The following SEPTIN11 variants were observed in gnomAD, a reference collection of about 807,000 sequenced individuals.
SEPTIN11 encodes the protein septin-11.
A neutral mutation model predicts 51.4 loss-of-function variants in SEPTIN11; 25 were observed. That is an observed-to-expected ratio of 0.49 (90% CI 0.35 to 0.68). The LOEUF is 0.68. Ranked by LOEUF, SEPTIN11 falls within the 30% of genes least tolerant of loss-of-function variation. The pLI, the probability that SEPTIN11 is intolerant of heterozygous loss-of-function variation, is 0.00. For missense variants in SEPTIN11, 381 were observed against 520.8 expected (o/e 0.73, Z 2.61); for synonymous variants, 174 against 184.1 (o/e 0.95, Z 0.44).
chr4:76,996,569 A>G lies in SEPTIN11; in HGVS notation c.142+30A>G, dbSNP rs773436924. On this transcript the variant is annotated intron_variant, in intron 2 of 9. Coordinates refer to ENST00000264893, the MANE Select transcript of SEPTIN11 (RefSeq NM_018243.4). ...GTTATTCATCACCCCACAGCAAGAA[A>G]TTTGATCCTTAGATATTGACAGGTA... 4.8e-6 allele frequency: 7 copies of G among 1,469,682 alleles called. No individual in the cohort carries two copies. In the Admixed American group the frequency reaches 6.7e-5, roughly 14 times the overall value. The allele number at this position is 1,469,682 out of a possible 1,614,324, so 91.0% of individuals were successfully genotyped here.
chr4:76,961,800 C>A (rs1247446178), intron 1 of SEPTIN11, among the ~76,000 whole-genome samples: 1 of 152,104 alleles, frequency 6.6e-6, no homozygotes, highest in Non-Finnish European at 1.5e-5. Flanking sequence ...TAAGTTGAAC[C>A]ATTGTAACTG....
At chr4:76,959,211 G>T (rs1432909100) in intron 1 of SEPTIN11, 3 of 320,924 alleles carry the variant, frequency 9.3e-6, no homozygotes, top group Non-Finnish European at 1.9e-5. Context: ...ACGACCGATG[G>T]AAACGGATCC....
intron 3 of SEPTIN11, among the ~76,000 whole-genome samples, chr4:77,008,865 T>A (rs1724670790): frequency 6.6e-6 from 1 of 152,120 alleles, no homozygotes; most frequent in African/African-American, 2.4e-5. Context: ...GCAAAAAAAA[T>A]ATAAATAAGT....
chr4:76,982,609 C>T (rs1206435145), intron 1 of SEPTIN11, among the ~76,000 whole-genome samples: 1 of 152,184 alleles, frequency 6.6e-6, no homozygotes, highest in Non-Finnish European at 1.5e-5. Flanking sequence ...CATTGTCTAA[C>T]CCTGTAATCT....
At position 76,996,473 on chromosome 4, in the gene SEPTIN11, A is replaced by G. The variant is rs1374900833; in HGVS notation, c.76A>G (p.Ser26Gly). The G allele has an allele frequency of 6.2e-7, 1 of 1,614,168 alleles. No individual in the cohort carries two copies. The highest frequency in any genetic ancestry group is 8.5e-7 in the Non-Finnish European group (1 of 1,179,988). ...TTTGTCTGGCCATGTGGGATTTGAC[A>G]GCCTCCCTGACCAGCTGGTCAACAA... ...LSLSGHVGFD[S>G]LPDQLVNKST... The change falls in exon 2 of 10, where the codon AGC becomes GGC. Residue 26 changes from serine to glycine, a missense_variant. Ser to Gly is a moderately conservative substitution (Grantham distance 56, BLOSUM62 0). This residue lies in a region of SEPTIN11 where 184 missense variants were observed against 207.7 expected (regional missense o/e 0.89). Transcript: ENST00000264893.
In SEPTIN11 at chr4:76,957,156, G is replaced by C. The variant is rs150087295; in HGVS notation, c.27+7226G>C. Among the ~76,000 whole-genome samples the C allele has an allele frequency of 4.7e-4, 71 of 152,216 alleles. 1 individual carries two copies. The South Asian group carries it at 5.0e-3, about 11-fold the overall frequency. On this transcript the variant is annotated intron_variant, in intron 1 of 9. Transcript: ENST00000264893. ...AACCTTCTGAAAGGCCTTCTGTGCT[G>C]CTCTCTGATGACCTCAGCTGTGGAA...
rs920734988 is a variant in SEPTIN11 at position 77,028,892 on chromosome 4, C to T, written c.1086+131C>T. On this transcript the variant is annotated intron_variant, in intron 8 of 9. Transcript: ENST00000264893. The stretch of plus-strand genomic sequence containing the variant: ...ATTTTGTCACGAGTGACCTGCCAAC[C>T]TGGCCAGGAAAATGGGTCAGATATT... 33 of 938,168 alleles carry T rather than the reference C, an allele frequency of 3.5e-5. No homozygotes were observed. In the African/African-American group the frequency reaches 5.3e-4, roughly 15 times the overall value. The allele number at this position is 938,168 out of a possible 1,614,324, so 58.1% of individuals were successfully genotyped here. A position where few individuals can be genotyped will look rare whatever the true frequency, so the allele number is the denominator to read the frequency against.
intron 1 of SEPTIN11, among the ~76,000 whole-genome samples, chr4:76,971,185 T>G (rs566320873): frequency 3.5e-4 from 54 of 152,352 alleles, no homozygotes; most frequent in Admixed American, 1.4e-3. Flanking sequence ...TGGGAAAGAC[T>G]ATACAAGGTG....
At chr4:77,010,852 C>T (rs751240155) in intron 3 of SEPTIN11, among the ~76,000 whole-genome samples, 12 of 152,092 alleles carry the variant, frequency 7.9e-5, no homozygotes, top group Non-Finnish European at 1.5e-4. Context: ...CTTTGGAGAC[C>T]AGAAAGAATT....
Position 77,011,924 on chromosome 4 carries a change from A to C in SEPTIN11, c.525+3A>C. ...CCATGAAAAAGCTGGACAGTAAGGT[A>C]CTTGCTGCCATTCTGATTATCATCC... On this transcript the variant is annotated splice_donor_region_variant and intron_variant, in intron 4 of 9. Coordinates refer to ENST00000264893, the MANE Select transcript of SEPTIN11 (RefSeq NM_018243.4). 6.2e-7 allele frequency: 1 copy of C among 1,612,488 alleles called. No individual in the cohort carries two copies. The highest frequency in any genetic ancestry group is 8.5e-7 in the Non-Finnish European group (1 of 1,178,676).
downstream of SEPTIN11, chr4:77,038,704 G>A: frequency 1.0e-6 from 1 of 972,192 alleles, no homozygotes; most frequent in East Asian, 9.4e-5. Context: ...ATAGGGATAA[G>A]AGTCTCATGC....
At chr4:76,950,689 C>T (rs562365788) in intron 1 of SEPTIN11, among the ~76,000 whole-genome samples, 111 of 152,260 alleles carry the variant, frequency 7.3e-4, no homozygotes, top group African/African-American at 2.4e-3. Flanking sequence ...GATACCTTTG[C>T]CCCGAGTGTG....
rs61693678 is a variant in SEPTIN11, at chr4:77,023,269, TACACACACACACAC to T, written c.953+2619_953+2632del. Among the ~76,000 whole-genome samples the T allele has an allele frequency of 7.9e-5, 11 of 139,256 alleles. 1 individual carries two copies. The highest frequency in any genetic ancestry group is 5.9e-4 in the Admixed American group (8 of 13,528). The allele number at this position is 139,256 out of a possible 152,430, so 91.4% of individuals were successfully genotyped here. On this transcript the variant is annotated intron_variant, in intron 7 of 9. Coordinates refer to ENST00000264893, the MANE Select transcript of SEPTIN11 (RefSeq NM_018243.4). ...TTTGATGATGAAAAGGGAAAATGTA[TACACACACACACAC>T]ACACACACACACACACACAATATAT...
Position 77,035,646 on chromosome 4 carries a change from A to G in SEPTIN11, c.*1134A>G. 2 of 985,714 alleles carry G rather than the reference A, an allele frequency of 2.0e-6. No homozygotes were observed. The highest frequency in any genetic ancestry group is 2.4e-6 in the Non-Finnish European group (2 of 829,942). 61.1% of individuals were successfully genotyped at this position (985,714 alleles called of 1,614,324 possible). ...CCTTTCAGTATTTGGCAATAAAAGA[A>G]AGAAGAAATAGAACAGCTGAAGTCT... On this transcript the variant is annotated 3_prime_UTR_variant, in exon 10 of 10. Transcript: ENST00000264893.
At chr4:76,985,177 G>A (rs943189037) in intron 1 of SEPTIN11, 1 of 152,222 alleles carries the variant, frequency 6.6e-6, no homozygotes, top group Admixed American at 6.5e-5. Context: ...TGTGCTCAGA[G>A]AGAGACTGTG....
intron 1 of SEPTIN11, among the ~76,000 whole-genome samples, chr4:76,969,793 A>C (rs1291443194): frequency 6.6e-6 from 1 of 152,188 alleles, no homozygotes; most frequent in Non-Finnish European, 1.5e-5. Context: ...TTAAAAATTC[A>C]CTTCTGACAT....
At position 76,984,799 on chromosome 4, in the gene SEPTIN11, T is replaced by C. The variant is rs1229992241; in HGVS notation, c.28-11626T>C. The stretch of plus-strand genomic sequence containing the variant: ...TGCAAGAGACGTGATATGTCTTAAA[T>C]GGAACTGGGTTGTTTGGGACCCACT... On this transcript the variant is annotated intron_variant, in intron 1 of 9. Coordinates refer to ENST00000264893, the MANE Select transcript of SEPTIN11 (RefSeq NM_018243.4). This position sits in a 1 kb window ranked among gnomAD's most constrained non-coding sequence, Gnocchi z 4.1. Among the ~76,000 whole-genome samples the C allele has an allele frequency of 6.6e-6, 1 of 152,202 alleles. No individual in the cohort carries two copies. The highest frequency in any genetic ancestry group is 1.5e-5 in the Non-Finnish European group (1 of 68,038).
Position 77,038,019 on chromosome 4 carries a change from G to C in SEPTIN11, c.*3507G>C. The C allele has an allele frequency of 1.0e-6, 1 of 985,694 alleles. No homozygotes were observed. The highest frequency in any genetic ancestry group is 1.2e-6 in the Non-Finnish European group (1 of 829,918). The allele number at this position is 985,694 out of a possible 1,614,324, so 61.1% of individuals were successfully genotyped here. ...AACTATTGGGTGAGGTTTTTCAGCT[G>C]TTACCGACCCACGTCCTGCTGTCTC... On this transcript the variant is annotated 3_prime_UTR_variant, in exon 10 of 10. Coordinates refer to ENST00000264893, the MANE Select transcript of SEPTIN11 (RefSeq NM_018243.4).
At chr4:76,987,504 G>C (rs138574963) in intron 1 of SEPTIN11, among the ~76,000 whole-genome samples, 55 of 152,276 alleles carry the variant, frequency 3.6e-4, no homozygotes, top group African/African-American at 1.1e-3. Context: ...TGGCTTCATA[G>C]CTGTGGTTTG....
Sources: gnomAD v4.1 joint callset for allele counts (sites outside exome capture counted in the v4.1 genomes callset) on GRCh38, gnomAD v4.1.1 for gene constraint, gnomAD v4.1.1 regional missense constraint, Gnocchi (gnomAD v3.1) non-coding constraint, MANE v1.5 for transcripts, NCBI Gene and HGNC (gene_info 2026-07-23, HGNC 2026-07-21) for gene names.